The following NFIB variants were observed in gnomAD, a reference collection of about 807,000 sequenced individuals.
NFIB encodes nuclear factor 1 B-type.
In NFIB, 11 loss-of-function variants were observed where a neutral mutation model predicts 61.5. The observed-to-expected ratio is 0.18, with a 90% CI of 0.11 to 0.30. The LOEUF is 0.30. NFIB is among the 10% of genes least tolerant of loss of function. The pLI, the probability that NFIB is intolerant of heterozygous loss-of-function variation, is 1.00. For synonymous variants in NFIB, 260 were observed against 216.5 expected, an observed-to-expected ratio of 1.20 and a Z score of -1.76; for missense variants, 471 against 608.9, an observed-to-expected ratio of 0.77 and a Z score of 2.38.
intron 6 of NFIB, among the ~76,000 whole-genome samples, chr9:14,139,446 T>C (rs557319767): frequency 6.6e-6 from 1 of 152,356 alleles, no homozygotes; most frequent in Middle Eastern, 3.4e-3. Flanking sequence ...AGAGAAACTT[T>C]GTATGGCACA....
In NFIB at chr9:14,341,629, A is replaced by G. The variant is rs562306777; in HGVS notation, c.109-34109T>C. ...GAAAATAGGACAGGAAGCCAGTGAA[A>G]TGTGGAAATGGGGTATCTGTAGAAT... On this transcript the variant is annotated intron_variant, in intron 1 of 8. Coordinates refer to the NFIB transcript ENST00000380934. Among the ~76,000 whole-genome samples the G allele has an allele frequency of 1.5e-4, 23 of 152,312 alleles. No homozygotes were observed. In the South Asian group the frequency reaches 4.6e-3, roughly 30 times the overall value.
At chr9:14,160,890 C>T (rs1483091349) in intron 3 of NFIB, among the ~76,000 whole-genome samples, 1 of 148,588 alleles carries the variant, frequency 6.7e-6, no homozygotes, top group African/African-American at 2.5e-5. Flanking sequence ...GCCACTGCAA[C>T]CCACAGATTC....
intron 2 of NFIB, among the ~76,000 whole-genome samples, chr9:14,225,104 C>G (rs2052200227): frequency 6.6e-6 from 1 of 152,152 alleles, no homozygotes; most frequent in Admixed American, 6.5e-5. Flanking sequence ...CAGCACCATT[C>G]TACTCTGCTT....
At chr9:14,315,381 C>T (rs2060494159), upstream of NFIB, among the ~76,000 whole-genome samples, 1 of 150,826 alleles carries the variant, frequency 6.6e-6, no homozygotes, top group Non-Finnish European at 1.5e-5. Flanking sequence ...TTGCTCCCTC[C>T]ACCTCCTCCC....
chr9:14,177,714 C>T (rs1203738829), intron 3 of NFIB, among the ~76,000 whole-genome samples: 1 of 152,048 alleles, frequency 6.6e-6, no homozygotes, highest in Non-Finnish European at 1.5e-5. Context: ...TCTGTAGCAT[C>T]CCAGTTTCAG....
At chr9:14,285,337 G>T (rs2058640300) in intron 2 of NFIB, among the ~76,000 whole-genome samples, 1 of 152,142 alleles carries the variant, frequency 6.6e-6, no homozygotes, top group South Asian at 2.1e-4. Context: ...CGGCCAGGCT[G>T]GTCCCGAACT....
chr9:14,217,621 T>C (rs976818040), intron 2 of NFIB, among the ~76,000 whole-genome samples: 3 of 130,262 alleles, frequency 2.3e-5, no homozygotes, highest in African/African-American at 5.8e-5. Flanking sequence ...GATTGCAACA[T>C]TGCATGCCAG....
intron 1 of NFIB, among the ~76,000 whole-genome samples, chr9:14,397,955 A>G (rs968684973): frequency 6.6e-6 from 1 of 152,156 alleles, no homozygotes; most frequent in African/African-American, 2.4e-5. Context: ...CCTCAGCAAT[A>G]TAACATTTGT....
At chr9:14,248,867 C>T (rs1352157584) in intron 2 of NFIB, among the ~76,000 whole-genome samples, 1 of 152,160 alleles carries the variant, frequency 6.6e-6, no homozygotes, top group African/African-American at 2.4e-5. Flanking sequence ...TGGAAAGAGA[C>T]CCTCTTTGCC....
intron 2 of NFIB, among the ~76,000 whole-genome samples, chr9:14,212,229 C>T (rs370154955): frequency 2.8e-4 from 42 of 152,198 alleles, no homozygotes; most frequent in African/African-American, 9.6e-4. Context: ...TACTTATTTC[C>T]AATTGATGAA....
chr9:14,430,270 CT>C, the NFIB span, among the ~76,000 whole-genome samples: 1 of 152,174 alleles, frequency 6.6e-6, no homozygotes, highest in African/African-American at 2.4e-5. Flanking sequence ...AGATCACTGA[CT>C]GCTGCTACAC....
intron 2 of NFIB, among the ~76,000 whole-genome samples, chr9:14,285,221 C>A (rs2058632108): frequency 6.6e-6 from 1 of 152,196 alleles, no homozygotes; most frequent in Non-Finnish European, 1.5e-5. Flanking sequence ...CTCCCAGGTT[C>A]AAGCGATTCT....
At position 14,189,316 on chromosome 9, in the gene NFIB, G is replaced by C. The variant is rs530708365; in HGVS notation, c.563-9536C>G. On this transcript the variant is annotated intron_variant, in intron 2 of 10. Transcript: ENST00000380953. ...GGACATGTTCTCTCCAAACTGCCTG[G>C]AGAGTCAGGACTCTGGGCTCTATCC... 2.0e-5 allele frequency among the ~76,000 whole-genome samples: 3 copies of C among 152,250 alleles called. No individual in the cohort carries two copies. The South Asian group carries it at 6.2e-4, about 32-fold the overall frequency.
intron 2 of NFIB, among the ~76,000 whole-genome samples, chr9:14,240,228 A>G (rs1201313790): frequency 6.6e-6 from 1 of 152,036 alleles, no homozygotes; most frequent in Non-Finnish European, 1.5e-5. Flanking sequence ...GAGTGAAATT[A>G]ATCTCTCTGT....
the NFIB span, among the ~76,000 whole-genome samples, chr9:14,444,288 G>A: frequency 6.6e-6 from 1 of 152,156 alleles, no homozygotes. Flanking sequence ...CACACCTAGG[G>A]AGAGAGTGTA....
intron 6 of NFIB, among the ~76,000 whole-genome samples, chr9:14,132,036 T>G (rs2040463285): frequency 6.6e-6 from 1 of 152,196 alleles, no homozygotes; most frequent in Non-Finnish European, 1.5e-5. Flanking sequence ...CAATTTTCTT[T>G]TTTGAAAAAT....
chr9:14,295,117 G>A (rs1375290171), intron 2 of NFIB, among the ~76,000 whole-genome samples: 3 of 152,142 alleles, frequency 2.0e-5, no homozygotes, highest in Admixed American at 6.5e-5. Flanking sequence ...TATTTCCTAC[G>A]GAGCTCATTT....
intron 2 of NFIB, among the ~76,000 whole-genome samples, chr9:14,295,579 C>G (rs1011406795): frequency 6.6e-6 from 1 of 152,048 alleles, no homozygotes; most frequent in Non-Finnish European, 1.5e-5. Context: ...TACAGTGAGC[C>G]GAGATTGCGC....
intron 1 of NFIB, among the ~76,000 whole-genome samples, chr9:14,338,865 C>A (rs2132868922): frequency 6.6e-6 from 1 of 151,788 alleles, no homozygotes; most frequent in Admixed American, 6.6e-5. Context: ...CCCTTGGATC[C>A]CCCTCCCTTC....
Sources: allele counts gnomAD v4.1 joint callset (sites outside exome capture counted in the v4.1 genomes callset), GRCh38; gene constraint gnomAD v4.1.1; transcripts MANE v1.5; gene names NCBI Gene and HGNC (gene_info 2026-07-23, HGNC 2026-07-21).